The following ADGB variants were observed in gnomAD, a reference collection of about 807,000 sequenced individuals.
ADGB encodes androglobin, also known as calpain-7-like protein.
In ADGB, 172 loss-of-function variants were observed where a neutral mutation model predicts 210.5. That is an observed-to-expected ratio of 0.82 (90% CI 0.72 to 0.93). The LOEUF (loss-of-function observed/expected upper bound fraction) is 0.93, where lower values mean the gene tolerates loss of function less well. Among genes scored for constraint, ADGB ranks in the 40% least tolerant of loss-of-function variants. ADGB has a pLI of 0.00. For synonymous variants in ADGB, 658 were observed against 662.7 expected (o/e 0.99, Z 0.11); for missense variants, 2,025 against 1,964.8 (o/e 1.03, Z -0.58).
chr6:146,603,209 A>G (rs998258227), intron 1 of ADGB, among the ~76,000 whole-genome samples: 3 of 152,232 alleles, frequency 2.0e-5, no homozygotes, highest in African/African-American at 7.2e-5. Context: ...TAGCAATTAT[A>G]AACAAATTAA....
At chr6:146,771,244 C>G (rs1375402820) in intron 29 of ADGB, among the ~76,000 whole-genome samples, 2 of 152,044 alleles carry the variant, frequency 1.3e-5, no homozygotes, top group Admixed American at 1.3e-4. Context: ...TCTGGGTCTT[C>G]AGCTGTGAAG....
At chr6:146,748,278 G>T (rs1254150457) in intron 26 of ADGB, among the ~76,000 whole-genome samples, 1 of 152,092 alleles carries the variant, frequency 6.6e-6, no homozygotes, top group East Asian at 1.9e-4. Flanking sequence ...GTGAGATTAT[G>T]GCAGTCTGAA....
chr6:146,714,355 T>G (rs549897062), intron 13 of ADGB, among the ~76,000 whole-genome samples: 1 of 152,062 alleles, frequency 6.6e-6, no homozygotes, highest in South Asian at 2.1e-4. Context: ...GTTTCTCAGT[T>G]AATGGTCCTC....
intron 27 of ADGB, among the ~76,000 whole-genome samples, chr6:146,758,071 A>C (rs1204832211): frequency 6.6e-6 from 1 of 152,018 alleles, no homozygotes; most frequent in Non-Finnish European, 1.5e-5. Flanking sequence ...TCTTTCTTCC[A>C]TCACTTGTCC....
chr6:146,798,147 A>G (rs1778072993), intron 33 of ADGB, among the ~76,000 whole-genome samples: 1 of 152,182 alleles, frequency 6.6e-6, no homozygotes, highest in Non-Finnish European at 1.5e-5. Context: ...TTGTTTCCAG[A>G]TGATCTGCCT....
In ADGB at chr6:146,635,359, C is replaced by G; in HGVS notation, c.75-16C>G. 1 of 1,443,342 alleles carries G rather than the reference C, an allele frequency of 6.9e-7. No homozygotes were observed. The highest frequency in any genetic ancestry group is 1.8e-4 in the Middle Eastern group (1 of 5,536). 89.4% of individuals were successfully genotyped at this position (1,443,342 alleles called of 1,614,324 possible). On this transcript the variant is annotated splice_polypyrimidine_tract_variant and intron_variant, in intron 1 of 35. Transcript: ENST00000397944. ...TTTAATTAAACCTAACCCACCCACTCTCTGTCTCTGTCTAGTTTCTATCCT... is the reference window on the plus strand; with the variant it reads ...TTTAATTAAACCTAACCCACCCACTGTCTGTCTCTGTCTAGTTTCTATCCT...
intron 29 of ADGB, among the ~76,000 whole-genome samples, chr6:146,781,756 T>C (rs1777803263): frequency 6.6e-6 from 1 of 152,014 alleles, no homozygotes; most frequent in African/African-American, 2.4e-5. Flanking sequence ...AAATAAATTG[T>C]ATAGTGGTGA....
At chr6:146,686,663 T>A (rs572514227) in intron 10 of ADGB, among the ~76,000 whole-genome samples, 1 of 152,254 alleles carries the variant, frequency 6.6e-6, no homozygotes, top group South Asian at 2.1e-4. Context: ...TCCCTTGTGA[T>A]GGTGAAGTCC....
chr6:146,733,579 C>T (rs990003931), intron 21 of ADGB, among the ~76,000 whole-genome samples: 9 of 152,076 alleles, frequency 5.9e-5, no homozygotes, highest in Non-Finnish European at 1.2e-4. Context: ...TCAAGTAACC[C>T]TACTTTTCTC....
At chr6:146,667,097 A>G (rs1775947665) in intron 7 of ADGB, among the ~76,000 whole-genome samples, 195 bp downstream of exon 7, 1 of 152,010 alleles carries the variant, frequency 6.6e-6, no homozygotes, top group Non-Finnish European at 1.5e-5. Flanking sequence ...GTAGGAGAAC[A>G]ATGACCCCCA....
chr6:146,621,416 G>A (rs986515756), intron 1 of ADGB, among the ~76,000 whole-genome samples: 1 of 152,086 alleles, frequency 6.6e-6, no homozygotes, highest in Admixed American at 6.5e-5. Flanking sequence ...TGCTCCCCTG[G>A]AAAGGAGTCA....
chr6:146,706,638 G>A (rs1776573056), intron 13 of ADGB, among the ~76,000 whole-genome samples: 1 of 151,976 alleles, frequency 6.6e-6, no homozygotes, highest in African/African-American at 2.4e-5. Flanking sequence ...TGTATAATAT[G>A]TCTAGAAATT....
intron 29 of ADGB, among the ~76,000 whole-genome samples, chr6:146,773,390 G>A (rs1777680941): frequency 6.6e-6 from 1 of 151,984 alleles, no homozygotes; most frequent in Non-Finnish European, 1.5e-5. Flanking sequence ...AAGTTTTAAT[G>A]AAAAATATAT....
intron 4 of ADGB, 36 bp from the exon 5 acceptor site, chr6:146,656,735 A>C: frequency 7.0e-7 from 1 of 1,424,422 alleles, no homozygotes; most frequent in Non-Finnish European, 9.4e-7. Flanking sequence ...TACAACTGAA[A>C]AATAACCAAT....
chr6:146,757,994 A>G (rs1388004506), intron 27 of ADGB, among the ~76,000 whole-genome samples: 6 of 152,062 alleles, frequency 3.9e-5, no homozygotes, highest in African/African-American at 7.2e-5. Flanking sequence ...TGGGATATGC[A>G]TGTACTATAT....
intron 3 of ADGB, among the ~76,000 whole-genome samples, chr6:146,645,361 G>A (rs1334822332): frequency 2.6e-5 from 4 of 152,062 alleles, no homozygotes; most frequent in Non-Finnish European, 4.4e-5. Flanking sequence ...ATATTGACTG[G>A]AATGTCACTC....
intron 28 of ADGB, among the ~76,000 whole-genome samples, chr6:146,764,713 ACT>A (rs1335728543): frequency 6.6e-6 from 1 of 152,204 alleles, no homozygotes; most frequent in Non-Finnish European, 1.5e-5. Flanking sequence ...TTTTAAACAA[ACT>A]GCTGTAGAAA....
chr6:146,701,860 C>T (rs1370468055), intron 13 of ADGB, among the ~76,000 whole-genome samples: 1 of 151,804 alleles, frequency 6.6e-6, no homozygotes, highest in Non-Finnish European at 1.5e-5. Flanking sequence ...GAGATACGAC[C>T]ACATGAAATA....
intron 1 of ADGB, among the ~76,000 whole-genome samples, chr6:146,619,265 T>C (rs780519291): frequency 3.3e-5 from 5 of 152,072 alleles, no homozygotes; most frequent in Non-Finnish European, 5.9e-5. Context: ...TGTGTCCTTA[T>C]GGGCAAAGTG....
Sources: allele counts gnomAD v4.1 joint callset (sites outside exome capture counted in the v4.1 genomes callset), GRCh38; gene constraint gnomAD v4.1.1; transcripts MANE v1.5; gene names NCBI Gene and HGNC (gene_info 2026-07-23, HGNC 2026-07-21).